The following SAMTOR variants were observed in gnomAD, a reference collection of about 807,000 sequenced individuals.
SAMTOR encodes S-adenosylmethionine sensor upstream of mTORC1, also known as UPF0532 protein C7orf60.
chr7:112,865,878 A>G, the SAMTOR span, among the ~76,000 whole-genome samples: 2 of 149,882 alleles, frequency 1.3e-5, no homozygotes, highest in African/African-American at 2.4e-5. Context: ...GAAGGACTGC[A>G]TGAGCCCAGG....
the SAMTOR span, among the ~76,000 whole-genome samples, chr7:112,932,744 T>G: frequency 6.6e-6 from 1 of 152,180 alleles, no homozygotes; most frequent in Non-Finnish European, 1.5e-5. Flanking sequence ...TATGTAGGAT[T>G]CTGTGCTAGG....
chr7:112,927,830 A>C, the SAMTOR span, among the ~76,000 whole-genome samples: 1 of 152,046 alleles, frequency 6.6e-6, no homozygotes, highest in Non-Finnish European at 1.5e-5. Context: ...TAAATTTTTC[A>C]AACACCCATT....
the SAMTOR span, among the ~76,000 whole-genome samples, chr7:112,854,604 A>G: frequency 3.3e-5 from 5 of 152,230 alleles, no homozygotes; most frequent in Non-Finnish European, 5.9e-5. Flanking sequence ...TAGGAAATGT[A>G]TTCTCTTTTT....
chr7:112,929,229 T>TCACA, the SAMTOR span, among the ~76,000 whole-genome samples: 2 of 151,526 alleles, frequency 1.3e-5, no homozygotes, highest in Admixed American at 1.3e-4. Flanking sequence ...AAAAAAAACC[T>TCACA]CAAACTGAAT....
the SAMTOR span, among the ~76,000 whole-genome samples, chr7:112,838,691 C>A: frequency 6.6e-6 from 1 of 151,708 alleles, no homozygotes; most frequent in African/African-American, 2.4e-5. Flanking sequence ...TAATTCAATA[C>A]CATTTGAGCA....
the SAMTOR span, among the ~76,000 whole-genome samples, chr7:112,933,224 C>T: frequency 6.6e-6 from 1 of 152,182 alleles, no homozygotes; most frequent in East Asian, 1.9e-4. Context: ...GATAAAACAG[C>T]AAAGTCTCCA....
At chr7:112,880,572 G>A in the SAMTOR span, among the ~76,000 whole-genome samples, 1 of 152,198 alleles carries the variant, frequency 6.6e-6, no homozygotes, top group East Asian at 1.9e-4. Flanking sequence ...CATTCTTTCT[G>A]CATAAATAGC....
the SAMTOR span, among the ~76,000 whole-genome samples, chr7:112,864,009 T>C: frequency 1.3e-5 from 2 of 152,160 alleles, no homozygotes; most frequent in African/African-American, 4.8e-5. Flanking sequence ...TAAATGCCCG[T>C]CAACAGTAGA....
At chr7:112,847,499 C>A in the SAMTOR span, among the ~76,000 whole-genome samples, 1 of 152,182 alleles carries the variant, frequency 6.6e-6, no homozygotes, top group Admixed American at 6.5e-5. Context: ...CAACTATAGG[C>A]CAGGCATGGT....
the SAMTOR span, among the ~76,000 whole-genome samples, chr7:112,937,881 CAT>C: frequency 6.6e-6 from 1 of 151,262 alleles, no homozygotes; most frequent in African/African-American, 2.4e-5. Flanking sequence ...CATGGTTAAA[CAT>C]GTGGGAACTA....
At chr7:112,921,406 G>A in the SAMTOR span, among the ~76,000 whole-genome samples, 1 of 151,282 alleles carries the variant, frequency 6.6e-6, no homozygotes, top group African/African-American at 2.4e-5. Flanking sequence ...GTAGAAAGCT[G>A]AAACTGGATC....
chr7:112,939,523 G>A, the SAMTOR span: 12 of 1,608,814 alleles, frequency 7.5e-6, no homozygotes, highest in African/African-American at 5.3e-5. Flanking sequence ...TTTGGAGGAG[G>A]GAAGAGGTGA....
the SAMTOR span, among the ~76,000 whole-genome samples, chr7:112,865,404 A>G: frequency 2.5e-4 from 38 of 152,098 alleles, no homozygotes; most frequent in African/African-American, 8.9e-4. Context: ...CAGCCTCCCA[A>G]GTAGCTGGGA....
chr7:112,845,373 A>G, the SAMTOR span, among the ~76,000 whole-genome samples: 1 of 152,144 alleles, frequency 6.6e-6, no homozygotes, highest in African/African-American at 2.4e-5. Context: ...GCATCTATAA[A>G]GAACCTAAAC....
chr7:112,868,151 G>A, the SAMTOR span, among the ~76,000 whole-genome samples: 1 of 152,194 alleles, frequency 6.6e-6, no homozygotes, highest in African/African-American at 2.4e-5. Context: ...GGGGACTGCT[G>A]CTCAAGAACA....
the SAMTOR span, among the ~76,000 whole-genome samples, chr7:112,861,679 A>C: frequency 3.7e-4 from 56 of 152,278 alleles, no homozygotes; most frequent in Admixed American, 5.9e-4. Flanking sequence ...TATGCTTGAA[A>C]AATTCTCTCC....
chr7:112,868,230 G>A, the SAMTOR span, among the ~76,000 whole-genome samples: 1 of 152,146 alleles, frequency 6.6e-6, no homozygotes, highest in African/African-American at 2.4e-5. Context: ...CCCCAAAAAT[G>A]GTGGATTAGA....
chr7:112,836,758 T>G, the SAMTOR span, among the ~76,000 whole-genome samples: 1 of 151,798 alleles, frequency 6.6e-6, no homozygotes, highest in African/African-American at 2.4e-5. Flanking sequence ...CAGATGGTTG[T>G]AGGTTTTATT....
the SAMTOR span, among the ~76,000 whole-genome samples, chr7:112,930,038 C>T: frequency 6.6e-6 from 1 of 152,110 alleles, no homozygotes; most frequent in East Asian, 1.9e-4. Context: ...AAATTCAGAA[C>T]AATTTATTTG....
Sources: gnomAD v4.1 joint callset for allele counts (sites outside exome capture counted in the v4.1 genomes callset) on GRCh38, gnomAD v4.1.1 for gene constraint, MANE v1.5 for transcripts, NCBI Gene and HGNC (gene_info 2026-07-23, HGNC 2026-07-21) for gene names.